The following ACLY variants were observed in gnomAD, a reference collection of about 807,000 sequenced individuals.
The protein encoded by ACLY is ATP citrate lyase.
A neutral mutation model predicts 133.0 loss-of-function variants in ACLY; 41 were observed. That is an observed-to-expected ratio of 0.31 (90% CI 0.24 to 0.40). The LOEUF is 0.40. ACLY is among the 10% of genes least tolerant of loss of function. The pLI, the probability that ACLY is intolerant of heterozygous loss-of-function variation, is 1.00. For synonymous variants in ACLY, 495 were observed against 549.3 expected, an observed-to-expected ratio of 0.90 and a Z score of 1.38; for missense variants, 1,046 against 1,453.8, an observed-to-expected ratio of 0.72 and a Z score of 4.56.
intron 1 of ACLY, 119 bp from the exon 2 acceptor site, chr17:41,914,015 T>C: frequency 1.0e-6 from 1 of 1,004,766 alleles, no homozygotes; most frequent in Non-Finnish European, 1.5e-6. Flanking sequence ...TCAGCTTTTC[T>C]CAAGAGGAAG....
intron 23 of ACLY, among the ~76,000 whole-genome samples, chr17:41,872,955 T>G (rs2048635616): frequency 6.6e-6 from 1 of 152,068 alleles, no homozygotes; most frequent in South Asian, 2.1e-4. Flanking sequence ...CCAAGACCCA[T>G]CTCTCTGCAG....
chr17:41,925,731 C>T (rs1306442546), intron 1 of ACLY, among the ~76,000 whole-genome samples: 1 of 152,076 alleles, frequency 6.6e-6, no homozygotes, highest in African/African-American at 2.4e-5. Context: ...ATGATGAGGG[C>T]TCACAGTGAA....
chr17:41,883,333 AAGG>A, intron 19 of ACLY, 101 bp from the exon 20 acceptor site: 1 of 931,156 alleles, frequency 1.1e-6, no homozygotes. Context: ...GGCCAAATAA[AAGG>A]AGTTTAATTT....
At chr17:41,914,424 C>G (rs1193690949) in intron 1 of ACLY, among the ~76,000 whole-genome samples, 2 of 152,218 alleles carry the variant, frequency 1.3e-5, no homozygotes, top group African/African-American at 2.4e-5. Flanking sequence ...CCTATACACA[C>G]CCTTACACAC....
chr17:41,910,729 G>T (rs1235888915), intron 3 of ACLY, among the ~76,000 whole-genome samples: 1 of 152,312 alleles, frequency 6.6e-6, no homozygotes, highest in African/African-American at 2.4e-5. Flanking sequence ...GGGAGCCAGG[G>T]CTTAATCAGG....
At chr17:41,898,373 A>G (rs1340957947) in intron 12 of ACLY, among the ~76,000 whole-genome samples, 5 of 152,198 alleles carry the variant, frequency 3.3e-5, no homozygotes, top group East Asian at 1.9e-4. Context: ...TCGGCCTCCC[A>G]AAGTGCTGGG....
chr17:41,896,595 T>G, intron 14 of ACLY, 25 bp downstream of exon 14: 1 of 1,526,724 alleles, frequency 6.5e-7, no homozygotes, highest in Non-Finnish European at 8.8e-7. Context: ...ACACGCGGAG[T>G]GGGGGCAGGG....
chr17:41,898,536 C>T (rs2049436807), intron 12 of ACLY, 95 bp downstream of exon 12: 1 of 1,479,664 alleles, frequency 6.8e-7, no homozygotes. Flanking sequence ...GCTGTATTTC[C>T]TCTATGCCCC....
At chr17:41,884,526 G>C (rs1555627855) in intron 18 of ACLY, among the ~76,000 whole-genome samples, 1 of 152,214 alleles carries the variant, frequency 6.6e-6, no homozygotes, top group African/African-American at 2.4e-5. Context: ...TAAGCCCAGA[G>C]AGGTTCGCTC....
chr17:41,903,395 C>A (rs1960270551), intron 10 of ACLY, among the ~76,000 whole-genome samples: 1 of 152,092 alleles, frequency 6.6e-6, no homozygotes, highest in African/African-American at 2.4e-5. Flanking sequence ...ATGAGAGGAG[C>A]CCCGGATCAT....
intron 26 of ACLY, among the ~76,000 whole-genome samples, 168 bp from the exon 27 acceptor site, chr17:41,869,293 A>G (rs1383537343): frequency 2.0e-5 from 3 of 152,244 alleles, no homozygotes; most frequent in African/African-American, 4.8e-5. Flanking sequence ...AGCATCTAGC[A>G]AAGTACCCAA....
chr17:41,907,698 G>C, intron 6 of ACLY, 126 bp from the exon 7 acceptor site: 4 of 1,096,584 alleles, frequency 3.6e-6, no homozygotes, highest in Non-Finnish European at 5.2e-6. Context: ...TCTAAGCTCA[G>C]TAAGAAACCA....
At chr17:41,874,404 G>A (rs1555625629) in intron 22 of ACLY, among the ~76,000 whole-genome samples, 1 of 151,872 alleles carries the variant, frequency 6.6e-6, no homozygotes, top group East Asian at 1.9e-4. Context: ...CCCAGTAGCT[G>A]GGGCAACAAG....
intron 20 of ACLY, among the ~76,000 whole-genome samples, chr17:41,881,147 C>A (rs569708234): frequency 6.6e-6 from 1 of 151,624 alleles, no homozygotes; most frequent in Non-Finnish European, 1.5e-5. Context: ...GAAAGAGAAT[C>A]GGCTGGGTGC....
At chr17:41,908,849 G>A (rs1217248241) in intron 6 of ACLY, 140 bp downstream of exon 6, 12 of 703,806 alleles carry the variant, frequency 1.7e-5, no homozygotes, top group Non-Finnish European at 3.1e-5. Context: ...CACTAAACCT[G>A]CATGGGGACC....
chr17:41,892,959 A>G (rs2049256094), intron 15 of ACLY, 74 bp downstream of exon 15: 11 of 1,553,484 alleles, frequency 7.1e-6, no homozygotes, highest in Non-Finnish European at 9.6e-6. Context: ...GATTACAGGC[A>G]TGAGCCACTG....
intron 1 of ACLY, among the ~76,000 whole-genome samples, chr17:41,914,314 C>CACAGAGA (rs1555634169): frequency 6.6e-6 from 1 of 151,178 alleles, no homozygotes; most frequent in Non-Finnish European, 1.5e-5. Flanking sequence ...GACACTGAAA[C>CACAGAGA]ACCTTTCTGT....
At chr17:41,887,986 G>T (rs968656421) in intron 16 of ACLY, among the ~76,000 whole-genome samples, 1 of 152,016 alleles carries the variant, frequency 6.6e-6, no homozygotes, top group African/African-American at 2.4e-5. Flanking sequence ...AAATTAGCTG[G>T]GTATGGTGGT....
At chr17:41,903,662 A>G (rs995128285) in intron 10 of ACLY, among the ~76,000 whole-genome samples, 3 of 145,708 alleles carry the variant, frequency 2.1e-5, no homozygotes, top group Admixed American at 7.1e-5. Context: ...GGACTGAGGC[A>G]GGAGAATGGC....
Sources: allele counts gnomAD v4.1 joint callset (sites outside exome capture counted in the v4.1 genomes callset), GRCh38; gene constraint gnomAD v4.1.1; transcripts MANE v1.5; gene names NCBI Gene and HGNC (gene_info 2026-07-23, HGNC 2026-07-21).